The following GRID2 variants were observed in gnomAD, a reference collection of about 807,000 sequenced individuals.
The protein encoded by GRID2 is glutamate ionotropic receptor delta type subunit 2.
A neutral mutation model predicts 114.8 loss-of-function variants in GRID2; 33 were observed. The observed-to-expected ratio is 0.29, with a 90% CI of 0.22 to 0.38. The LOEUF (loss-of-function observed/expected upper bound fraction) is 0.38, where lower values mean the gene tolerates loss of function less well. Ranked by LOEUF, GRID2 falls within the 10% of genes least tolerant of loss-of-function variation. The pLI, the probability that GRID2 is intolerant of heterozygous loss-of-function variation, is 1.00. For missense variants in GRID2, 1,184 were observed against 1,257.7 expected (o/e 0.94, Z 0.89); for synonymous variants, 505 against 449.9 (o/e 1.12, Z -1.55).
At chr4:92,610,099 C>A (rs940582564) in intron 2 of GRID2, among the ~76,000 whole-genome samples, 1 of 151,678 alleles carries the variant, frequency 6.6e-6, no homozygotes, top group African/African-American at 2.4e-5. Flanking sequence ...TGATCCTATA[C>A]AGAGGGCCAA....
intron 14 of GRID2, among the ~76,000 whole-genome samples, chr4:93,634,856 C>T (rs958642770): frequency 1.3e-5 from 2 of 152,048 alleles, no homozygotes; most frequent in African/African-American, 4.8e-5. Flanking sequence ...GCATAAAATC[C>T]AGGACCCTGA....
At chr4:92,983,991 G>T (rs1754365105) in intron 2 of GRID2, among the ~76,000 whole-genome samples, 1 of 152,156 alleles carries the variant, frequency 6.6e-6, no homozygotes, top group African/African-American at 2.4e-5. Flanking sequence ...TGTAACTTTG[G>T]ACAGGGTACA....
chr4:92,704,717 CTCTCTT>C (rs1734860374), intron 2 of GRID2, among the ~76,000 whole-genome samples: 1 of 143,516 alleles, frequency 7.0e-6, no homozygotes, highest in African/African-American at 2.6e-5. Flanking sequence ...CTCTCTCTCT[CTCTCTT>C]TCTCTCTCTC....
intron 4 of GRID2, among the ~76,000 whole-genome samples, chr4:93,169,908 G>A (rs1476859411): frequency 6.6e-6 from 1 of 152,158 alleles, no homozygotes; most frequent in East Asian, 1.9e-4. Context: ...GATTTTGAAT[G>A]ACACTTATAA....
At chr4:93,785,072 A>G (rs1734565099) in intron 1 of GRID2, among the ~76,000 whole-genome samples, 1 of 152,216 alleles carries the variant, frequency 6.6e-6, no homozygotes, top group Non-Finnish European at 1.5e-5. Context: ...GATCTCATCC[A>G]AGTCACCGTG....
intron 1 of GRID2, among the ~76,000 whole-genome samples, chr4:92,545,782 T>G (rs1726223731): frequency 6.6e-6 from 1 of 152,172 alleles, no homozygotes. Flanking sequence ...CATCTATTTA[T>G]GCAATTGCAC....
intron 8 of GRID2, among the ~76,000 whole-genome samples, chr4:93,357,181 C>T (rs545509809): frequency 1.2e-4 from 18 of 151,668 alleles, no homozygotes; most frequent in African/African-American, 3.9e-4. Flanking sequence ...GAAAATGTCT[C>T]TTTTCTCACC....
chr4:92,775,590 T>C (rs983707154), intron 2 of GRID2, among the ~76,000 whole-genome samples: 2 of 152,182 alleles, frequency 1.3e-5, no homozygotes, highest in African/African-American at 4.8e-5. Context: ...CTTTTCTGTA[T>C]ACATACGGGC....
chr4:93,116,170 A>G (rs1049241020), intron 4 of GRID2, among the ~76,000 whole-genome samples: 1 of 152,086 alleles, frequency 6.6e-6, no homozygotes, highest in African/African-American at 2.4e-5. Context: ...TTCCATACCA[A>G]CTACTGTTGA....
At chr4:92,314,107 C>A (rs573644878) in intron 1 of GRID2, among the ~76,000 whole-genome samples, 1 of 149,644 alleles carries the variant, frequency 6.7e-6, no homozygotes, top group South Asian at 2.1e-4. Flanking sequence ...TTTTCTTTTT[C>A]TTTTTCTTTT....
At chr4:93,199,939 T>C (rs1741893846) in intron 4 of GRID2, among the ~76,000 whole-genome samples, 1 of 152,202 alleles carries the variant, frequency 6.6e-6, no homozygotes, top group African/African-American at 2.4e-5. Context: ...ATGTTTCCTG[T>C]ACCTTGAGAA....
intron 2 of GRID2, 133 bp downstream of exon 2, chr4:92,590,419 A>T: frequency 1.6e-6 from 1 of 626,756 alleles, no homozygotes. Flanking sequence ...TTCCTTGGAG[A>T]TCACTGTTTT....
At chr4:93,063,003 A>C (rs563479568) in intron 2 of GRID2, among the ~76,000 whole-genome samples, 2 of 152,022 alleles carry the variant, frequency 1.3e-5, no homozygotes, top group Non-Finnish European at 2.9e-5. Context: ...ATTTAAAGAG[A>C]GCAAACTTAT....
intron 1 of GRID2, among the ~76,000 whole-genome samples, chr4:92,583,445 G>T (rs1421918697): frequency 6.6e-6 from 1 of 151,994 alleles, no homozygotes; most frequent in Admixed American, 6.6e-5. Flanking sequence ...GAGTGCTTGT[G>T]AAGGGTTAGA....
chr4:93,103,081 G>A (rs931717269), intron 3 of GRID2, among the ~76,000 whole-genome samples: 1 of 151,994 alleles, frequency 6.6e-6, no homozygotes, highest in Non-Finnish European at 1.5e-5. Context: ...AATGCTGAGA[G>A]GGCTTGCCGC....
At chr4:93,514,800 C>T (rs570132202) in intron 12 of GRID2, among the ~76,000 whole-genome samples, 6 of 152,216 alleles carry the variant, frequency 3.9e-5, no homozygotes, top group Middle Eastern at 3.4e-3. Context: ...TAATTTTATA[C>T]AAATAAGCCT....
chr4:93,068,357 G>A (rs1728496063), intron 2 of GRID2, among the ~76,000 whole-genome samples: 1 of 152,130 alleles, frequency 6.6e-6, no homozygotes, highest in East Asian at 1.9e-4. Context: ...TACTGTATTT[G>A]CCTCATTTGT....
chr4:92,570,703 T>C (rs1727567922), intron 1 of GRID2, among the ~76,000 whole-genome samples: 1 of 152,088 alleles, frequency 6.6e-6, no homozygotes, highest in South Asian at 2.1e-4. Context: ...TTTATTCTTT[T>C]GGTGGCATTT....
intron 13 of GRID2, among the ~76,000 whole-genome samples, chr4:93,614,126 C>T (rs1305729423): frequency 6.6e-6 from 1 of 152,256 alleles, no homozygotes; most frequent in Non-Finnish European, 1.5e-5. Flanking sequence ...ACTCCCTGAC[C>T]CCTTGCGCTT....
Sources: allele counts gnomAD v4.1 joint callset (sites outside exome capture counted in the v4.1 genomes callset), GRCh38; gene constraint gnomAD v4.1.1; transcripts MANE v1.5; gene names NCBI Gene and HGNC (gene_info 2026-07-23, HGNC 2026-07-21).